The following PKIB variants were observed in gnomAD, a reference collection of about 807,000 sequenced individuals.
PKIB encodes PKI-beta.
PKIB carries 2 observed loss-of-function variants against 4.5 expected under a neutral mutation model. That is an observed-to-expected ratio of 0.44 (90% CI 0.18 to 1.39). The LOEUF (loss-of-function observed/expected upper bound fraction) is 1.39, where lower values mean the gene tolerates loss of function less well. PKIB is among the 40% of genes most tolerant of loss of function. PKIB has a pLI of 0.27. For synonymous variants in PKIB, 38 were observed against 36.0 expected (o/e 1.06, Z -0.20); for missense variants, 94 against 92.6 (o/e 1.02, Z -0.06).
chr6:122,474,167 C>T (rs1467634641), intron 1 of PKIB, among the ~76,000 whole-genome samples: 1 of 152,134 alleles, frequency 6.6e-6, no homozygotes, highest in Non-Finnish European at 1.5e-5. Context: ...GCCATGCTAT[C>T]TAATAACTCA....
intron 2 of PKIB, among the ~76,000 whole-genome samples, chr6:122,654,563 G>A (rs955507263): frequency 2.6e-5 from 4 of 152,068 alleles, no homozygotes; most frequent in Non-Finnish European, 5.9e-5. Flanking sequence ...CTATGTACAG[G>A]GTTCTTAACC....
chr6:122,573,708 A>G lies in PKIB; in HGVS notation c.-247-12213A>G, dbSNP rs142711776. Among the ~76,000 whole-genome samples the G allele has an allele frequency of 5.8e-4, 88 of 152,322 alleles. No homozygotes were observed. In the East Asian group the frequency reaches 0.016, roughly 27 times the overall value. Reference sequence around the variant, plus strand: ...TCAATAGATGCAGAAAAAGCATTTGACAAAATGCAGCATCCCTTTGTGATA... The same window carrying G: ...TCAATAGATGCAGAAAAAGCATTTGGCAAAATGCAGCATCCCTTTGTGATA... On this transcript the variant is annotated intron_variant, in intron 2 of 6. Transcript: ENST00000392491.
chr6:122,559,714 T>G (rs1174117133), intron 2 of PKIB, among the ~76,000 whole-genome samples: 1 of 152,194 alleles, frequency 6.6e-6, no homozygotes, highest in African/African-American at 2.4e-5. Context: ...CATCTATGAT[T>G]TCTTTCAACA....
Position 122,696,246 on chromosome 6 carries a change from G to A in PKIB, c.-9+21102G>A, listed in dbSNP as rs770378631. On this transcript the variant is annotated intron_variant, in intron 3 of 4. Transcript: ENST00000368452. The stretch of plus-strand genomic sequence containing the variant: ...GAAACTGAAGAACTGAGAACAAACC[G>A]TAGAGTGGGAATTACTATATGATGA... 7.2e-5 allele frequency among the ~76,000 whole-genome samples: 11 copies of A among 152,202 alleles called. 1 individual carries two copies. Among genetic ancestry groups the A allele is most frequent in the South Asian group, 4.1e-4 (2 of 4,826 alleles).
chr6:122,629,504 TC>T (rs779847202), intron 1 of PKIB, among the ~76,000 whole-genome samples: 1 of 152,162 alleles, frequency 6.6e-6, no homozygotes, highest in Non-Finnish European at 1.5e-5. Context: ...CACAACATCC[TC>T]AAAGAGGTAG....
chr6:122,602,264 G>A (rs553418740), intron 3 of PKIB, among the ~76,000 whole-genome samples: 7 of 152,226 alleles, frequency 4.6e-5, no homozygotes, highest in Admixed American at 2.0e-4. Context: ...CTACTAATAG[G>A]GCCAGTGTGG....
chr6:122,573,677 A>G (rs1773440489), intron 2 of PKIB, among the ~76,000 whole-genome samples: 2 of 152,296 alleles, frequency 1.3e-5, no homozygotes, highest in Non-Finnish European at 2.9e-5. Flanking sequence ...AACAAAAATA[A>G]TTATCTCAAT....
intron 2 of PKIB, among the ~76,000 whole-genome samples, chr6:122,545,358 G>A (rs1353854352): frequency 4.6e-5 from 7 of 151,886 alleles, no homozygotes; most frequent in Admixed American, 6.6e-5. Flanking sequence ...TGGAGCTGGA[G>A]GCCATTATCT....
At chr6:122,593,355 T>C (rs757918820) in intron 3 of PKIB, among the ~76,000 whole-genome samples, 9 of 152,228 alleles carry the variant, frequency 5.9e-5, no homozygotes, top group Non-Finnish European at 8.8e-5. Flanking sequence ...AGACTGTTTA[T>C]AGATAAATAT....
chr6:122,497,303 A>G (rs1040844099), intron 2 of PKIB, among the ~76,000 whole-genome samples: 13 of 152,242 alleles, frequency 8.5e-5, no homozygotes, highest in Admixed American at 8.5e-4. Flanking sequence ...GAACCTATAC[A>G]ACAACTACAC....
intron 2 of PKIB, among the ~76,000 whole-genome samples, chr6:122,522,148 CAA>C (rs34871200): frequency 6.7e-5 from 10 of 149,400 alleles, no homozygotes; most frequent in South Asian, 2.1e-4. Context: ...AAGTCATTAG[CAA>C]AAAAAAAACA....
At chr6:122,630,317 T>C (rs1775644198) in intron 1 of PKIB, among the ~76,000 whole-genome samples, 1 of 152,086 alleles carries the variant, frequency 6.6e-6, no homozygotes, top group South Asian at 2.1e-4. Context: ...CAAAATACAA[T>C]ATATACATCA....
intron 4 of PKIB, among the ~76,000 whole-genome samples, chr6:122,724,594 C>A (rs1358132004): frequency 6.6e-6 from 1 of 152,118 alleles, no homozygotes; most frequent in Non-Finnish European, 1.5e-5. Flanking sequence ...GCACAGATCA[C>A]GGGGAGTTTT....
rs184713407 is a variant in PKIB, at chr6:122,551,687, A to C, written c.-247-34234A>C. Among the ~76,000 whole-genome samples the C allele has an allele frequency of 2.0e-5, 3 of 152,246 alleles. No individual in the cohort carries two copies. The East Asian group carries it at 5.8e-4, about 29-fold the overall frequency. On this transcript the variant is annotated intron_variant, in intron 2 of 6. Transcript: ENST00000392491. ...CACGAGGAAAGAATGGAGGGGTCTC[A>C]GCATTCAGTATTCAATATGTTTATG... is the stretch of plus-strand genomic sequence containing the variant.
intron 3 of PKIB, among the ~76,000 whole-genome samples, chr6:122,676,211 C>T (rs1406380705): frequency 6.6e-6 from 1 of 151,784 alleles, no homozygotes; most frequent in African/African-American, 2.4e-5. Context: ...AAGGAGCATA[C>T]AACCTAGATC....
At chr6:122,543,260 A>G (rs1342375852) in intron 2 of PKIB, among the ~76,000 whole-genome samples, 3 of 151,810 alleles carry the variant, frequency 2.0e-5, no homozygotes, top group Non-Finnish European at 4.4e-5. Context: ...AGTACCTCAG[A>G]TGGAAATGCA....
intron 3 of PKIB, among the ~76,000 whole-genome samples, chr6:122,714,642 T>C (rs1449494528): frequency 6.6e-6 from 1 of 152,162 alleles, no homozygotes; most frequent in Non-Finnish European, 1.5e-5. Flanking sequence ...TTTTTAGAAG[T>C]TCTTTTTTAA....
At chr6:122,716,546 C>CT (rs1341390342) in intron 3 of PKIB, among the ~76,000 whole-genome samples, 1 of 152,100 alleles carries the variant, frequency 6.6e-6, no homozygotes, top group Non-Finnish European at 1.5e-5. Flanking sequence ...TAGAATGACT[C>CT]TTTTTTGGGC....
At chr6:122,679,561 C>T (rs952618293) in intron 3 of PKIB, among the ~76,000 whole-genome samples, 2 of 152,024 alleles carry the variant, frequency 1.3e-5, no homozygotes, top group African/African-American at 2.4e-5. Context: ...GAAAAGCAGT[C>T]CATCCACAGA....
Sources: gnomAD v4.1 joint callset for allele counts (sites outside exome capture counted in the v4.1 genomes callset) on GRCh38, gnomAD v4.1.1 for gene constraint, MANE v1.5 for transcripts, NCBI Gene and HGNC (gene_info 2026-07-23, HGNC 2026-07-21) for gene names.